BMPER: variants seen among roughly 807,000 people sequenced by gnomAD.
BMPER encodes BMP-binding endothelial regulator protein.
A neutral mutation model predicts 87.3 loss-of-function variants in BMPER; 45 were observed. That is an observed-to-expected ratio of 0.52 (90% CI 0.41 to 0.66). The LOEUF (loss-of-function observed/expected upper bound fraction) is 0.66. Ranked by LOEUF, BMPER falls within the 30% of genes least tolerant of loss-of-function variation. The probability of loss-of-function intolerance (pLI) is 0.00; values close to 1 mark genes in which losing one functional copy is unlikely to be tolerated. For missense variants in BMPER, 784 were observed against 867.5 expected (o/e 0.90, Z 1.21); for synonymous variants, 326 against 316.2 (o/e 1.03, Z -0.33).
rs1387022803 is a variant in BMPER, at chr7:34,050,285, T to G, written c.677-1576T>G. On this transcript the variant is annotated intron_variant, in intron 7 of 14. Coordinates refer to ENST00000649409, the MANE Select transcript of BMPER (RefSeq NM_001365308.1). Reference sequence around the variant, plus strand: ...AGGTAGTGACATGGCAATGTGGTATTGATGATGCCATTTTATGAGTGAAGT... The same window carrying G: ...AGGTAGTGACATGGCAATGTGGTATGGATGATGCCATTTTATGAGTGAAGT... Among the ~76,000 whole-genome samples the G allele has an allele frequency of 2.0e-5, 3 of 152,186 alleles. No individual in the cohort carries two copies. In the East Asian group the frequency reaches 5.8e-4, roughly 29 times the overall value.
intron 3 of BMPER, among the ~76,000 whole-genome samples, chr7:33,945,296 G>T (rs1048896093): frequency 1.4e-5 from 2 of 144,248 alleles, no homozygotes; most frequent in Non-Finnish European, 3.0e-5. Context: ...TGTCACCCAG[G>T]CTGTAGTGCA....
chr7:33,912,599 A>G (rs748724829), intron 2 of BMPER, among the ~76,000 whole-genome samples: 3 of 152,226 alleles, frequency 2.0e-5, no homozygotes, highest in Non-Finnish European at 4.4e-5. Context: ...ATGGAAAAAT[A>G]AAACTAGTTA....
rs772962221 is a variant in BMPER, at chr7:34,046,322, G to A, written c.593G>A (p.Cys198Tyr). 1.9e-6 allele frequency: 3 copies of A among 1,613,814 alleles called. No individual in the cohort carries two copies. In the African/African-American group the frequency reaches 4.0e-5, roughly 22 times the overall value. ...TTTTCTTAGGGAGGCAGGACACAATGTGTGAGAGAAGTCTGTCCCATTCTC... is the reference window on the plus strand; with the variant it reads ...TTTTCTTAGGGAGGCAGGACACAATATGTGAGAGAAGTCTGTCCCATTCTC... ...KCSCTGGRTQ[C>Y]VREVCPILSC... The change falls in exon 7 of 15, where the codon TGT (cysteine) becomes TAT (tyrosine). Residue 198 changes from cysteine (C) to tyrosine (Y), a missense_variant. Physicochemically the swap from Cys to Tyr is radical, Grantham distance 194 (BLOSUM62 -2). Coordinates refer to ENST00000649409, the MANE Select transcript of BMPER (RefSeq NM_001365308.1).
Position 34,079,019 on chromosome 7 carries a change from C to G in BMPER, c.1241C>G (p.Ser414Cys), listed in dbSNP as rs145067547. The G allele has an allele frequency of 6.2e-6, 10 of 1,614,228 alleles. No homozygotes were observed. Among genetic ancestry groups the G allele is most frequent in the Non-Finnish European group, 8.5e-6 (10 of 1,180,038 alleles). ...AAGAACGACGCCCGCCGGACACGCT[C>G]CTTCTCGTGGACCAAGTCGGTGGAG... is the stretch of plus-strand genomic sequence containing the variant. The part of the protein sequence containing the change: ...LVKNDARRTR[S>C]FSWTKSVELV... The change falls in exon 12 of 15, where the codon TCC becomes TGC. Residue 414 changes from serine (S) to cysteine (C), a missense_variant. By Grantham distance (112) the Ser-to-Cys change is moderately radical (BLOSUM62 -1). Transcript: ENST00000649409.
chr7:34,022,309 A>T (rs964780904), intron 6 of BMPER, among the ~76,000 whole-genome samples: 1 of 152,014 alleles, frequency 6.6e-6, no homozygotes, highest in Non-Finnish European at 1.5e-5. Flanking sequence ...ATCATTTCCC[A>T]TGTTTTGCCT....
At chr7:34,000,112 C>T (rs772522021) in intron 6 of BMPER, among the ~76,000 whole-genome samples, 5 of 152,054 alleles carry the variant, frequency 3.3e-5, no homozygotes, top group African/African-American at 7.2e-5. Flanking sequence ...AATCACATGT[C>T]GAGTGCACAG....
At chr7:33,924,437 G>A (rs1490454960) in intron 2 of BMPER, among the ~76,000 whole-genome samples, 2 of 152,056 alleles carry the variant, frequency 1.3e-5, no homozygotes, top group Admixed American at 6.6e-5. Context: ...CTGCGGCTCC[G>A]GACGCCATCT....
chr7:34,041,816 AT>A (rs989655107), intron 6 of BMPER, among the ~76,000 whole-genome samples: 2 of 152,106 alleles, frequency 1.3e-5, no homozygotes, highest in African/African-American at 4.8e-5. Context: ...TCCCCAAAGA[AT>A]TTGGCATAGG....
chr7:33,984,985 A>G (rs952744012), intron 6 of BMPER, among the ~76,000 whole-genome samples: 1 of 152,134 alleles, frequency 6.6e-6, no homozygotes, highest in African/African-American at 2.4e-5. Context: ...GTCCTTTGTT[A>G]GCTTAACCAT....
intron 8 of BMPER, 58 bp from the exon 9 acceptor site, chr7:34,055,105 G>T: frequency 6.2e-7 from 1 of 1,611,128 alleles, no homozygotes; most frequent in South Asian, 1.1e-5. Context: ...AGGCCAGGTA[G>T]GATGTTTGGT....
At chr7:33,978,975 G>A (rs1275512994) in intron 6 of BMPER, among the ~76,000 whole-genome samples, 1 of 152,044 alleles carries the variant, frequency 6.6e-6, no homozygotes, top group Non-Finnish European at 1.5e-5. Flanking sequence ...AATATCATCA[G>A]GGACTAACTG....
At chr7:33,938,716 T>C (rs1784673181) in intron 3 of BMPER, among the ~76,000 whole-genome samples, 1 of 152,140 alleles carries the variant, frequency 6.6e-6, no homozygotes, top group East Asian at 1.9e-4. Flanking sequence ...CTTGATCTCA[T>C]CACCTCATTT....
intron 14 of BMPER, 101 bp downstream of exon 14, chr7:34,143,461 C>G: frequency 6.5e-7 from 1 of 1,539,642 alleles, no homozygotes; most frequent in South Asian, 1.2e-5. Flanking sequence ...GCCACATGCC[C>G]CCTTGCCAGA....
intron 2 of BMPER, among the ~76,000 whole-genome samples, chr7:33,921,398 G>A (rs531098007): frequency 2.0e-5 from 3 of 152,276 alleles, no homozygotes; most frequent in Non-Finnish European, 2.9e-5. Context: ...AAAGCAAGGC[G>A]AAAGTCCTAC....
chr7:33,915,392 T>C (rs983358785), intron 2 of BMPER, among the ~76,000 whole-genome samples: 1 of 152,250 alleles, frequency 6.6e-6, no homozygotes, highest in African/African-American at 2.4e-5. Flanking sequence ...AATATTACGA[T>C]ATAATTTAAT....
chr7:34,113,327 T>TACTTATG (rs2127986845), intron 13 of BMPER, among the ~76,000 whole-genome samples: 1 of 151,778 alleles, frequency 6.6e-6, no homozygotes, highest in East Asian at 1.9e-4. Flanking sequence ...CATATGCAAG[T>TACTTATG]GTTACCTTTT....
rs376701286 is a variant in BMPER at position 34,078,933 on chromosome 7, G to T, written c.1155G>T (p.Thr385=). Residue 385 remains threonine, a synonymous_variant, in exon 12 of 15, where the codon ACG becomes ACT. Coordinates refer to ENST00000649409, the MANE Select transcript of BMPER (RefSeq NM_001365308.1). ...FDGRTFNFQG[T]CQYVLTKDCS... is the part of the protein sequence containing the mutation. Reference sequence around the variant, plus strand: ...GTCGGACATTTAACTTTCAGGGGACGTGTCAGTACGTTTTGACAAAAGACT... The same window carrying T: ...GTCGGACATTTAACTTTCAGGGGACTTGTCAGTACGTTTTGACAAAAGACT... 1 of 1,614,168 alleles carries T rather than the reference G, an allele frequency of 6.2e-7. No individual in the cohort carries two copies. The highest frequency in any genetic ancestry group is 1.1e-5 in the South Asian group (1 of 91,084).
At chr7:34,034,022 T>C (rs966942239) in intron 6 of BMPER, among the ~76,000 whole-genome samples, 2 of 152,154 alleles carry the variant, frequency 1.3e-5, no homozygotes, top group African/African-American at 4.8e-5. Flanking sequence ...AGAAAGACCT[T>C]TGGAGTTAAG....
intron 10 of BMPER, 114 bp downstream of exon 10, chr7:34,058,277 A>G (rs143733343): frequency 2.9e-5 from 29 of 983,718 alleles, no homozygotes; most frequent in South Asian, 4.1e-5. Flanking sequence ...AAGCCTCTAC[A>G]TTCCTGACTA....
Sources: gnomAD v4.1 joint callset for allele counts (sites outside exome capture counted in the v4.1 genomes callset) on GRCh38, gnomAD v4.1.1 for gene constraint, MANE v1.5 for transcripts, NCBI Gene and HGNC (gene_info 2026-07-23, HGNC 2026-07-21) for gene names.